DIS3L2: variants seen among roughly 807,000 people sequenced by gnomAD.
DIS3L2 encodes DIS3 like 3'-5' exoribonuclease 2, also known as DIS3-like exonuclease 2.
In DIS3L2, 34 loss-of-function variants were observed where a neutral mutation model predicts 97.5. That is an observed-to-expected ratio of 0.35 (90% CI 0.27 to 0.46). The LOEUF is 0.46. DIS3L2 is among the 20% of genes least tolerant of loss of function. DIS3L2 has a pLI of 1.00. For synonymous variants in DIS3L2, 435 were observed against 445.2 expected, an observed-to-expected ratio of 0.98 and a Z score of 0.29; for missense variants, 1,038 against 1,146.0, an observed-to-expected ratio of 0.91 and a Z score of 1.36.
chr2:232,247,665 G>C (rs1273627996), intron 11 of DIS3L2, among the ~76,000 whole-genome samples: 2 of 127,768 alleles, frequency 1.6e-5, no homozygotes, highest in Non-Finnish European at 3.2e-5. Flanking sequence ...TCAGTCCCTA[G>C]GATAGCCCAA....
intron 4 of DIS3L2, 49 bp from the exon 5 acceptor site, chr2:232,029,930 T>C: frequency 1.4e-6 from 2 of 1,384,648 alleles, no homozygotes; most frequent in Non-Finnish European, 2.0e-6. Context: ...TGTTTTTTGC[T>C]TTATGTGTTT....
chr2:232,082,045 C>G (rs899702221), intron 5 of DIS3L2, among the ~76,000 whole-genome samples: 2 of 152,208 alleles, frequency 1.3e-5, no homozygotes, highest in Non-Finnish European at 2.9e-5. Context: ...CCACCTTGTC[C>G]TCCCAAAGTG....
chr2:232,272,643 ATACCGT>A (rs1694037161), intron 13 of DIS3L2, among the ~76,000 whole-genome samples: 2 of 152,222 alleles, frequency 1.3e-5, no homozygotes, highest in African/African-American at 4.8e-5. Flanking sequence ...TCTATTACTG[ATACCGT>A]TTGGGTTAGA....
intron 6 of DIS3L2, among the ~76,000 whole-genome samples, chr2:232,095,669 A>G (rs771758726): frequency 3.1e-4 from 47 of 152,166 alleles, no homozygotes; most frequent in Non-Finnish European, 5.7e-4. Context: ...TTGTACCTTC[A>G]GATGATTTTT....
At chr2:232,133,419 A>C (rs1483794599) in intron 7 of DIS3L2, among the ~76,000 whole-genome samples, 1 of 152,246 alleles carries the variant, frequency 6.6e-6, no homozygotes. Context: ...AACAGGGTGT[A>C]TGACTGCCTT....
In DIS3L2 at chr2:232,014,898, C is replaced by G; in HGVS notation, c.-30C>G. 6.2e-7 allele frequency: 1 copy of G among 1,612,872 alleles called. No homozygotes were observed. Among genetic ancestry groups the G allele is most frequent in the Non-Finnish European group, 8.5e-7 (1 of 1,179,364 alleles). ...CTAAGCAGTGGAGGTTTCTCTGGATCTGGAGAGAAGAGTGACCTTGGAGCC... is the reference window on the plus strand; with the variant it reads ...CTAAGCAGTGGAGGTTTCTCTGGATGTGGAGAGAAGAGTGACCTTGGAGCC... On this transcript the variant is annotated 5_prime_UTR_variant, in exon 2 of 21. The change creates a new upstream start codon in the 5' untranslated region. Transcript: ENST00000325385.
chr2:232,218,631 C>G (rs1692412259), intron 10 of DIS3L2, among the ~76,000 whole-genome samples: 1 of 152,200 alleles, frequency 6.6e-6, no homozygotes, highest in Non-Finnish European at 1.5e-5. Flanking sequence ...TTCTCCGCCT[C>G]TTGCTTTTAT....
At chr2:231,970,283 G>A (rs1254137358) in intron 1 of DIS3L2, among the ~76,000 whole-genome samples, 1 of 152,088 alleles carries the variant, frequency 6.6e-6, no homozygotes, top group Non-Finnish European at 1.5e-5. Flanking sequence ...ATATCGCATC[G>A]ATTTTCAAAT....
Position 232,292,473 on chromosome 2 carries a change from A to G in DIS3L2, c.1660-7567A>G, listed in dbSNP as rs1230026880. Among the ~76,000 whole-genome samples the G allele has an allele frequency of 1.3e-5, 2 of 152,220 alleles. No homozygotes were observed. Among genetic ancestry groups the G allele is most frequent in the Non-Finnish European group, 2.9e-5 (2 of 68,038 alleles). On this transcript the variant is annotated intron_variant, in intron 13 of 20. Coordinates refer to ENST00000325385, the MANE Select transcript of DIS3L2 (RefSeq NM_152383.5). The surrounding 1 kb of genome is among the most constrained non-coding windows in gnomAD (Gnocchi z 4.4). ...CTCTCAAAGGCCCAACAACCCCAACAGGGCCTGCATCCCATGTTCCCACAG... is the reference window on the plus strand; with the variant it reads ...CTCTCAAAGGCCCAACAACCCCAACGGGGCCTGCATCCCATGTTCCCACAG...
chr2:232,001,557 C>CTTTTTTTTTTTTTTTTTTTTTGTTTTTG (rs1693904935), intron 1 of DIS3L2, among the ~76,000 whole-genome samples: 1 of 61,920 alleles, frequency 1.6e-5, no homozygotes, highest in Non-Finnish European at 2.8e-5. Context: ...TGCCATTTGT[C>CTTTTTTTTTTTTTTTTTTTTTGTTTTTG]TTTTTTTTTT....
chr2:232,172,526 T>C (rs574884171), intron 9 of DIS3L2: 2 of 362,106 alleles, frequency 5.5e-6, no homozygotes, highest in Admixed American at 7.3e-5. Context: ...TTTCACATTT[T>C]GTTTATTCAT....
At position 232,191,297 on chromosome 2, in the gene DIS3L2, G is replaced by T. The variant is rs138280366; in HGVS notation, c.1125-19029G>T. On this transcript the variant is annotated intron_variant, in intron 9 of 20. Coordinates refer to ENST00000325385, the MANE Select transcript of DIS3L2 (RefSeq NM_152383.5). Reference sequence around the variant, plus strand: ...GACTCCTTTTTGGAAATTGCCTTCAGAGCCTGAGGCACATTTTCAACAATG... The same window carrying T: ...GACTCCTTTTTGGAAATTGCCTTCATAGCCTGAGGCACATTTTCAACAATG... Among the ~76,000 whole-genome samples the T allele has an allele frequency of 1.6e-4, 24 of 152,298 alleles. No individual in the cohort carries two copies. In the East Asian group the frequency reaches 3.3e-3, roughly 21 times the overall value.
chr2:232,158,489 T>G (rs1160369168), intron 8 of DIS3L2, among the ~76,000 whole-genome samples: 1 of 152,178 alleles, frequency 6.6e-6, no homozygotes, highest in Non-Finnish European at 1.5e-5. Flanking sequence ...CTACAAGAGA[T>G]TCAAGATACT....
At chr2:232,020,819 C>A (rs1694491157) in intron 3 of DIS3L2, among the ~76,000 whole-genome samples, 1 of 152,070 alleles carries the variant, frequency 6.6e-6, no homozygotes, top group South Asian at 2.1e-4. Context: ...GTTAAATTAG[C>A]TGATCGATAT....
At chr2:232,210,047 G>A (rs1692143658) in intron 9 of DIS3L2, among the ~76,000 whole-genome samples, 1 of 152,118 alleles carries the variant, frequency 6.6e-6, no homozygotes, top group Non-Finnish European at 1.5e-5. Flanking sequence ...GAGAAGCCTC[G>A]TTCATGGAAG....
chr2:232,208,601 T>C (rs2106215889), intron 9 of DIS3L2, among the ~76,000 whole-genome samples: 1 of 152,336 alleles, frequency 6.6e-6, no homozygotes, highest in East Asian at 1.9e-4. Flanking sequence ...TGAGAGTGGC[T>C]CTTTTCACTT....
intron 8 of DIS3L2, among the ~76,000 whole-genome samples, chr2:232,142,426 A>T (rs1639307218): frequency 6.6e-6 from 1 of 152,164 alleles, no homozygotes; most frequent in Admixed American, 6.6e-5. Context: ...CACTTCTTCC[A>T]AAGTCGCCAT....
intron 6 of DIS3L2, among the ~76,000 whole-genome samples, chr2:232,127,616 G>A (rs765784377): frequency 5.9e-5 from 9 of 152,114 alleles, no homozygotes; most frequent in Non-Finnish European, 1.0e-4. Context: ...CCATCTTGCC[G>A]TTGTACTTAA....
chr2:232,019,731 A>G (rs1694460168), intron 3 of DIS3L2, among the ~76,000 whole-genome samples: 1 of 152,016 alleles, frequency 6.6e-6, no homozygotes, highest in Admixed American at 6.6e-5. Context: ...TGCAGGCATT[A>G]ATTAATTAAT....
Sources: allele counts gnomAD v4.1 joint callset (sites outside exome capture counted in the v4.1 genomes callset), GRCh38; gene constraint gnomAD v4.1.1; non-coding constraint Gnocchi (gnomAD v3.1); transcripts MANE v1.5; gene names NCBI Gene and HGNC (gene_info 2026-07-23, HGNC 2026-07-21).